Variants in CHD2 observed in about 807,000 individuals in gnomAD.
CHD2 encodes the protein chromodomain helicase DNA binding protein 2, also known as ATP-dependent chromatin remodeler CHD2.
A neutral mutation model predicts 243.9 loss-of-function variants in CHD2; 28 were observed. The observed-to-expected ratio is 0.11, with a 90% CI of 0.09 to 0.16. The LOEUF is 0.16. CHD2 is among the 10% of genes least tolerant of loss of function. The probability of loss-of-function intolerance (pLI) is 1.00; values close to 1 mark genes in which losing one functional copy is unlikely to be tolerated. For missense variants in CHD2, 1,386 were observed against 2,209.8 expected (o/e 0.63, Z 7.47); for synonymous variants, 775 against 779.0 (o/e 0.99, Z 0.09).
Position 92,972,262 on chromosome 15 carries a change from C to CT in CHD2, c.2353-3_2353-2insT. The CT allele has an allele frequency of 6.2e-7, 1 of 1,606,208 alleles. No homozygotes were observed. Among genetic ancestry groups the CT allele is most frequent in the Non-Finnish European group, 8.5e-7 (1 of 1,177,556 alleles). Reference sequence around the variant, plus strand: ...ATTATTGGAATGTCTTTTAAATCTTCAGTCCCTCATAAGGAGCAGTGGGAA... The same window carrying CT: ...ATTATTGGAATGTCTTTTAAATCTTCTAGTCCCTCATAAGGAGCAGTGGGAA... On this transcript the variant is annotated splice_region_variant and splice_polypyrimidine_tract_variant and intron_variant, in intron 18 of 38. Coordinates refer to ENST00000394196, the MANE Select transcript of CHD2 (RefSeq NM_001271.4).
Position 92,931,268 on chromosome 15 carries a change from A to C in CHD2, c.443+2177A>C, listed in dbSNP as rs190671855. Among the ~76,000 whole-genome samples the C allele has an allele frequency of 3.0e-3, 460 of 152,340 alleles. 5 individuals carry two copies. Among genetic ancestry groups the C allele is most frequent in the Non-Finnish European group, 4.7e-4 (32 of 68,032 alleles). On this transcript the variant is annotated intron_variant, in intron 5 of 38. Coordinates refer to ENST00000394196, the MANE Select transcript of CHD2 (RefSeq NM_001271.4). Reference sequence around the variant, plus strand: ...AGGGACCATTTTGTAAAATTGGTTTAAAAAAATTAATTCCAAACTTTAGGA... The same window carrying C: ...AGGGACCATTTTGTAAAATTGGTTTCAAAAAATTAATTCCAAACTTTAGGA...
chr15:93,012,766 G>A (rs1322429128), intron 36 of CHD2, among the ~76,000 whole-genome samples: 1 of 152,188 alleles, frequency 6.6e-6, no homozygotes, highest in African/African-American at 2.4e-5. Flanking sequence ...AGGGTGGTGG[G>A]CAGAAAATAC....
At chr15:92,953,629 T>A in intron 14 of CHD2, 56 bp downstream of exon 14, 1 of 1,532,244 alleles carries the variant, frequency 6.5e-7, no homozygotes, top group Non-Finnish European at 9.0e-7. Context: ...AATTTAGAAA[T>A]TCACTTAAAG....
At chr15:92,941,351 A>G (rs550126079) in intron 7 of CHD2, among the ~76,000 whole-genome samples, 2 of 152,180 alleles carry the variant, frequency 1.3e-5, no homozygotes, top group South Asian at 4.1e-4. Flanking sequence ...CAGTCTGGGA[A>G]TACTTAAATT....
chr15:92,941,939 A>G lies in CHD2; in HGVS notation c.810A>G (p.Arg270=). The G allele has an allele frequency of 6.2e-7, 1 of 1,612,920 alleles. No individual in the cohort carries two copies. The highest frequency in any genetic ancestry group is 2.2e-5 in the East Asian group (1 of 44,736). The change falls in exon 8 of 39, where the codon AGA becomes AGG. Residue 270 remains arginine, a synonymous_variant. Transcript: ENST00000394196. The part of the protein sequence containing the change: ...SETIEKVLDS[R]LGKKGATGAS... ...CTATTGAAAAGGTCTTAGATTCAAG[A>G]CTGGGAAAGAAAGGAGGTATGTGTA... is the stretch of plus-strand genomic sequence containing the variant.
intron 26 of CHD2, among the ~76,000 whole-genome samples, chr15:92,986,233 C>T (rs959172415): frequency 6.6e-6 from 1 of 151,968 alleles, no homozygotes; most frequent in Non-Finnish European, 1.5e-5. Context: ...GTATCTGATT[C>T]AAATGTCTCT....
intron 16 of CHD2, among the ~76,000 whole-genome samples, chr15:92,961,794 TC>T (rs1209044150): frequency 2.0e-5 from 3 of 152,058 alleles, no homozygotes; most frequent in African/African-American, 7.2e-5. Context: ...CTTGGTCAGT[TC>T]TAGCTAAGGG....
At chr15:92,937,695 G>T (rs931579100) in intron 6 of CHD2, 70 bp downstream of exon 6, 9 of 1,149,988 alleles carry the variant, frequency 7.8e-6, no homozygotes, top group Non-Finnish European at 1.0e-5. Flanking sequence ...GGATAATGTC[G>T]TGCTGAAATG....
intron 16 of CHD2, among the ~76,000 whole-genome samples, chr15:92,960,651 A>G (rs2141821449): frequency 7.1e-6 from 1 of 141,154 alleles, no homozygotes; most frequent in South Asian, 2.2e-4. Context: ...CTTTCTATGC[A>G]TTGCTAGATT....
At chr15:92,926,354 A>G (rs2053061582) in intron 3 of CHD2, among the ~76,000 whole-genome samples, 2 of 152,200 alleles carry the variant, frequency 1.3e-5, no homozygotes, top group Non-Finnish European at 2.9e-5. Context: ...TCATGACGTT[A>G]GCTGTCACCT....
intron 27 of CHD2, 22 bp downstream of exon 27, chr15:92,991,539 C>T: frequency 6.4e-7 from 1 of 1,564,654 alleles, no homozygotes; most frequent in South Asian, 1.2e-5. Context: ...GTAATAGTCC[C>T]TTATCTTCCT....
chr15:92,964,822 T>C (rs2053735545), intron 16 of CHD2, among the ~76,000 whole-genome samples: 1 of 152,248 alleles, frequency 6.6e-6, no homozygotes, highest in African/African-American at 2.4e-5. Context: ...TACTTCAGAC[T>C]TACCGCAGAA....
In CHD2 at chr15:93,024,510, T is replaced by C. The variant is rs564469085; in HGVS notation, c.5292T>C (p.Ser1764=). 6.2e-7 allele frequency: 1 copy of C among 1,614,202 alleles called. No homozygotes were observed. Among genetic ancestry groups the C allele is most frequent in the East Asian group, 2.2e-5 (1 of 44,884 alleles). Residue 1764 remains serine (S), a synonymous_variant, in exon 39 of 39, where the codon TCT becomes TCC. Transcript: ENST00000394196. ...HGQGPSDHYR[S]FHTDKLGEYK... ...AGGGACCCTCAGACCATTACCGCTC[T>C]TTCCACACAGATAAACTGGGGGAAT...
At chr15:92,957,920 T>C (rs546205359) in intron 16 of CHD2, among the ~76,000 whole-genome samples, 2 of 152,276 alleles carry the variant, frequency 1.3e-5, no homozygotes, top group African/African-American at 2.4e-5. Flanking sequence ...TCCTAATATG[T>C]AGGCTTTTGT....
intron 8 of CHD2, among the ~76,000 whole-genome samples, chr15:92,942,582 G>A (rs2053400881): frequency 1.3e-5 from 2 of 151,990 alleles, no homozygotes; most frequent in South Asian, 4.1e-4. Flanking sequence ...TTGCTGCTCT[G>A]TTTTTATTGT....
At chr15:92,967,992 G>A (rs186172424) in intron 17 of CHD2, among the ~76,000 whole-genome samples, 6 of 151,708 alleles carry the variant, frequency 4.0e-5, no homozygotes, top group African/African-American at 1.5e-4. Flanking sequence ...TTTTGGGATC[G>A]ATGTAAGCTC....
intron 2 of CHD2, among the ~76,000 whole-genome samples, chr15:92,908,794 A>G (rs1445714474): frequency 6.6e-6 from 1 of 152,156 alleles, no homozygotes; most frequent in African/African-American, 2.4e-5. Flanking sequence ...ATTAAATGTC[A>G]TGGCAGATCC....
At chr15:92,906,664 C>CTT (rs66638937) in intron 2 of CHD2, among the ~76,000 whole-genome samples, 63 of 128,838 alleles carry the variant, frequency 4.9e-4, no homozygotes, top group African/African-American at 1.8e-3. Flanking sequence ...TATGAGCCAT[C>CTT]TTTTTTTTTT....
At chr15:92,946,518 G>A (rs1002218587) in intron 12 of CHD2, 1 of 167,724 alleles carries the variant, frequency 6.0e-6, no homozygotes, top group South Asian at 1.8e-4. Flanking sequence ...ACAGAGTTTC[G>A]CTGTGTCGCC....
Sources: allele counts gnomAD v4.1 joint callset (sites outside exome capture counted in the v4.1 genomes callset), GRCh38; gene constraint gnomAD v4.1.1; transcripts MANE v1.5; gene names NCBI Gene and HGNC (gene_info 2026-07-23, HGNC 2026-07-21).